FHIT: variants seen among roughly 807,000 people sequenced by gnomAD.
FHIT encodes fragile histidine triad diadenosine triphosphatase, also known as bis(5'-adenosyl)-triphosphatase.
A neutral mutation model predicts 17.9 loss-of-function variants in FHIT; 19 were observed. The observed-to-expected ratio is 1.06, with a 90% CI of 0.74 to 1.56. The LOEUF is 1.56. Among genes scored for constraint, FHIT ranks in the 40% most tolerant of loss-of-function variants. The probability of loss-of-function intolerance (pLI) is 0.00; values close to 1 mark genes in which losing one functional copy is unlikely to be tolerated. For synonymous variants in FHIT, 81 were observed against 69.7 expected (o/e 1.16, Z -0.81); for missense variants, 248 against 189.2 (o/e 1.31, Z -1.82).
intron 5 of FHIT, among the ~76,000 whole-genome samples, chr3:60,257,787 C>G (rs1706077806): frequency 6.6e-6 from 1 of 152,162 alleles, no homozygotes; most frequent in Non-Finnish European, 1.5e-5. Context: ...AGCAAACTAA[C>G]TCAGGAACAG....
intron 5 of FHIT, among the ~76,000 whole-genome samples, chr3:60,528,518 G>A (rs1253572037): frequency 6.6e-6 from 1 of 152,130 alleles, no homozygotes; most frequent in Non-Finnish European, 1.5e-5. Flanking sequence ...CTATTAGGAG[G>A]CTAAGTTCAG....
At chr3:60,352,491 A>G (rs1334615507) in intron 5 of FHIT, among the ~76,000 whole-genome samples, 1 of 152,062 alleles carries the variant, frequency 6.6e-6, no homozygotes, top group African/African-American at 2.4e-5. Context: ...TTTTTCTAAA[A>G]GCATTTCTTT....
At chr3:60,205,960 AAAAAAAAT>A (rs1282503134) in intron 5 of FHIT, among the ~76,000 whole-genome samples, 1 of 149,690 alleles carries the variant, frequency 6.7e-6, no homozygotes, top group Non-Finnish European at 1.5e-5. Flanking sequence ...TACAAAAATA[AAAAAAAAT>A]AAAAAAATAA....
At chr3:60,065,633 G>A (rs1434836078) in intron 5 of FHIT, among the ~76,000 whole-genome samples, 1 of 152,152 alleles carries the variant, frequency 6.6e-6, no homozygotes, top group Non-Finnish European at 1.5e-5. Context: ...ATCAGTTAGA[G>A]GCAAGATGCT....
chr3:60,264,595 T>C (rs1444773024), intron 5 of FHIT, among the ~76,000 whole-genome samples: 2 of 151,982 alleles, frequency 1.3e-5, no homozygotes, highest in East Asian at 1.9e-4. Flanking sequence ...AGAGAGTTAA[T>C]ATAAAAGCAC....
chr3:59,805,591 G>A (rs1171045152), intron 8 of FHIT, among the ~76,000 whole-genome samples: 1 of 152,092 alleles, frequency 6.6e-6, no homozygotes, highest in Non-Finnish European at 1.5e-5. Context: ...CATCCTTTTT[G>A]ACCTAGAAGC....
intron 4 of FHIT, among the ~76,000 whole-genome samples, chr3:60,626,842 C>G (rs1445842791): frequency 8.4e-6 from 1 of 118,556 alleles, no homozygotes; most frequent in Non-Finnish European, 1.7e-5. Flanking sequence ...TTTAATAATG[C>G]TTTTTATCAG....
intron 8 of FHIT, among the ~76,000 whole-genome samples, chr3:59,917,775 G>T (rs959763591): frequency 1.3e-5 from 2 of 152,190 alleles, no homozygotes; most frequent in African/African-American, 2.4e-5. Flanking sequence ...GGAACAGAAG[G>T]TGAAAACAAA....
At chr3:60,460,521 A>C (rs2032394253) in intron 5 of FHIT, among the ~76,000 whole-genome samples, 1 of 152,202 alleles carries the variant, frequency 6.6e-6, no homozygotes, top group South Asian at 2.1e-4. Context: ...CAACTAAACG[A>C]ATTTTTTAGT....
chr3:61,133,788 T>C (rs1158201956), intron 2 of FHIT, among the ~76,000 whole-genome samples: 3 of 151,976 alleles, frequency 2.0e-5, no homozygotes, highest in Non-Finnish European at 4.4e-5. Context: ...GGGTTGTATT[T>C]TAAGAGGTCA....
At chr3:59,851,198 G>C (rs1409548907) in intron 8 of FHIT, among the ~76,000 whole-genome samples, 2 of 10,080 alleles carry the variant, frequency 2.0e-4, no homozygotes, top group Non-Finnish European at 7.9e-4. Context: ...GATGGTGGTA[G>C]TAGAGTGGTG....
intron 5 of FHIT, among the ~76,000 whole-genome samples, chr3:60,459,981 A>G (rs957167065): frequency 6.6e-6 from 1 of 152,176 alleles, no homozygotes; most frequent in African/African-American, 2.4e-5. Context: ...TCCTTCTCTC[A>G]TGTTGCAATC....
intron 5 of FHIT, among the ~76,000 whole-genome samples, chr3:60,322,412 C>T (rs538934572): frequency 6.6e-6 from 1 of 152,294 alleles, no homozygotes; most frequent in East Asian, 1.9e-4. Context: ...CAGTTTGAGT[C>T]AATAGGCACA....
At chr3:61,121,827 G>A (rs1206059845) in intron 2 of FHIT, among the ~76,000 whole-genome samples, 6 of 151,884 alleles carry the variant, frequency 4.0e-5, no homozygotes, top group African/African-American at 1.4e-4. Flanking sequence ...ACTCAGAGGT[G>A]TGAGACCCAT....
intron 5 of FHIT, among the ~76,000 whole-genome samples, chr3:60,515,407 G>A (rs374287186): frequency 1.3e-4 from 20 of 152,108 alleles, no homozygotes; most frequent in African/African-American, 4.6e-4. Flanking sequence ...CCAGGAAGGA[G>A]GAATGACACC....
chr3:59,871,465 CACAT>C (rs1702922855), intron 8 of FHIT, among the ~76,000 whole-genome samples: 1 of 152,248 alleles, frequency 6.6e-6, no homozygotes, highest in East Asian at 1.9e-4. Flanking sequence ...CACACACGCA[CACAT>C]ACAAAGACCA....
chr3:60,245,870 A>G (rs976397621), intron 5 of FHIT, among the ~76,000 whole-genome samples: 1 of 152,122 alleles, frequency 6.6e-6, no homozygotes, highest in African/African-American at 2.4e-5. Context: ...GAAAAAAACT[A>G]TCTGTATGTA....
rs1553726426 is a variant in FHIT at position 60,784,775 on chromosome 3, T to C, written c.-18+37144A>G. Among the ~76,000 whole-genome samples the C allele has an allele frequency of 2.6e-5, 4 of 152,120 alleles. No homozygotes were observed. The South Asian group carries it at 8.3e-4, about 32-fold the overall frequency. On this transcript the variant is annotated intron_variant, in intron 4 of 9. Coordinates refer to ENST00000492590, the MANE Select transcript of FHIT (RefSeq NM_002012.4). The stretch of plus-strand genomic sequence containing the variant: ...GTGATGGCATGAGGAAGTAGGGCCT[T>C]TGAGAGGTGATTAGGACATGAGGGT...
intron 8 of FHIT, among the ~76,000 whole-genome samples, chr3:59,841,460 G>A (rs1310506235): frequency 6.6e-6 from 1 of 152,168 alleles, no homozygotes; most frequent in Non-Finnish European, 1.5e-5. Context: ...AGTGAGGCAG[G>A]TGTGACAAGA....
Sources: gnomAD v4.1 joint callset for allele counts (sites outside exome capture counted in the v4.1 genomes callset) on GRCh38, gnomAD v4.1.1 for gene constraint, MANE v1.5 for transcripts, NCBI Gene and HGNC (gene_info 2026-07-23, HGNC 2026-07-21) for gene names.